BRD10: variants seen among roughly 807,000 people sequenced by gnomAD.
BRD10 encodes the protein uncharacterized bromodomain-containing protein 10.
chr9:5,994,442 A>T, the BRD10 span, among the ~76,000 whole-genome samples: 3 of 152,278 alleles, frequency 2.0e-5, no homozygotes, highest in South Asian at 6.2e-4. Context: ...ATACCCACAA[A>T]AAAGCACTTA....
At chr9:5,885,363 A>T in the BRD10 span, among the ~76,000 whole-genome samples, 19 of 146,270 alleles carry the variant, frequency 1.3e-4, no homozygotes, top group Non-Finnish European at 2.1e-4. Context: ...GTGCTAGATG[A>T]GTTGACGTAT....
At chr9:5,979,717 C>T in the BRD10 span, among the ~76,000 whole-genome samples, 135,777 of 152,104 alleles carry the variant, frequency 0.89, 61,532 homozygotes, top group Non-Finnish European at 0.99. Context: ...TTTATTTTAT[C>T]TTTTAAGTAT....
the BRD10 span, among the ~76,000 whole-genome samples, chr9:5,936,068 T>C: frequency 1.3e-5 from 2 of 152,222 alleles, no homozygotes; most frequent in Non-Finnish European, 2.9e-5. Context: ...AAAAAAATTA[T>C]TCATTAGCCG....
the BRD10 span, among the ~76,000 whole-genome samples, chr9:5,930,927 T>C: frequency 6.6e-6 from 1 of 152,174 alleles, no homozygotes; most frequent in Admixed American, 6.6e-5. Flanking sequence ...AAATAGAAAT[T>C]AGGTAGACTT....
chr9:5,920,750 G>C, the BRD10 span: 4 of 1,613,920 alleles, frequency 2.5e-6, no homozygotes, highest in South Asian at 1.1e-5. Flanking sequence ...CGCAGGTGTA[G>C]GTAAGGCAAC....
the BRD10 span, among the ~76,000 whole-genome samples, chr9:5,983,744 T>C: frequency 3.3e-5 from 5 of 151,482 alleles, no homozygotes; most frequent in Admixed American, 6.6e-5. Flanking sequence ...CACACACACA[T>C]AAGCTCACAC....
the BRD10 span, chr9:5,922,393 A>C: frequency 6.2e-7 from 1 of 1,613,994 alleles, no homozygotes; most frequent in Non-Finnish European, 8.5e-7. Context: ...GGCTAGTCTT[A>C]ACTGATGGTG....
chr9:5,973,661 G>A, the BRD10 span, among the ~76,000 whole-genome samples: 3 of 152,148 alleles, frequency 2.0e-5, no homozygotes, highest in South Asian at 6.2e-4. Context: ...GGCCGAGGTG[G>A]GAGGATAGCT....
chr9:5,933,054 C>T, the BRD10 span, among the ~76,000 whole-genome samples: 3 of 152,102 alleles, frequency 2.0e-5, no homozygotes, highest in Non-Finnish European at 4.4e-5. Context: ...TTTCTCTATA[C>T]TGATTAATAC....
the BRD10 span, among the ~76,000 whole-genome samples, chr9:5,973,249 T>C: frequency 6.6e-6 from 1 of 152,066 alleles, no homozygotes; most frequent in Non-Finnish European, 1.5e-5. Context: ...GGCAGATCAT[T>C]TGAAGTCAGA....
At chr9:5,905,319 A>G in the BRD10 span, among the ~76,000 whole-genome samples, 1 of 152,180 alleles carries the variant, frequency 6.6e-6, no homozygotes, top group Non-Finnish European at 1.5e-5. Context: ...GTTGGCCATG[A>G]CGGGAAGGGA....
the BRD10 span, among the ~76,000 whole-genome samples, chr9:5,887,262 C>T: frequency 6.6e-6 from 1 of 152,062 alleles, no homozygotes; most frequent in Non-Finnish European, 1.5e-5. Flanking sequence ...GTCCCCCAAC[C>T]CACCCACCAA....
the BRD10 span, among the ~76,000 whole-genome samples, chr9:5,900,470 T>C: frequency 8.5e-5 from 13 of 152,232 alleles, no homozygotes; most frequent in Admixed American, 8.5e-4. Context: ...CAAAATTATG[T>C]AAAATAGTGC....
the BRD10 span, chr9:5,969,541 G>C: frequency 1.3e-6 from 1 of 759,642 alleles, no homozygotes; most frequent in Non-Finnish European, 2.0e-6. Context: ...AACTGTCCTA[G>C]TTTTATTTAT....
At chr9:5,972,093 G>T in the BRD10 span, among the ~76,000 whole-genome samples, 1 of 152,070 alleles carries the variant, frequency 6.6e-6, no homozygotes, top group African/African-American at 2.4e-5. Flanking sequence ...AATCTCTAAG[G>T]GAATGCACCT....
At chr9:5,912,610 C>A in the BRD10 span, among the ~76,000 whole-genome samples, 10 of 152,170 alleles carry the variant, frequency 6.6e-5, no homozygotes, top group Admixed American at 6.5e-4. Flanking sequence ...AGGAGAGGAG[C>A]CTTCAGGAAA....
the BRD10 span, among the ~76,000 whole-genome samples, chr9:5,985,040 A>G: frequency 2.6e-5 from 4 of 152,324 alleles, no homozygotes; most frequent in African/African-American, 9.6e-5. Context: ...AAATCAATAT[A>G]GTGCTAACAT....
the BRD10 span, among the ~76,000 whole-genome samples, chr9:5,941,542 AAC>A: frequency 6.6e-6 from 1 of 152,158 alleles, no homozygotes; most frequent in Non-Finnish European, 1.5e-5. Context: ...TTTTTGACTA[AAC>A]CCCTAAATGG....
chr9:5,882,716 G>A, the BRD10 span, among the ~76,000 whole-genome samples: 23 of 151,940 alleles, frequency 1.5e-4, no homozygotes, highest in South Asian at 3.1e-3. Flanking sequence ...TCAGTGTGGC[G>A]ATTCCTCAAG....
Sources: gnomAD v4.1 joint callset for allele counts (sites outside exome capture counted in the v4.1 genomes callset) on GRCh38, gnomAD v4.1.1 for gene constraint, MANE v1.5 for transcripts, NCBI Gene and HGNC (gene_info 2026-07-23, HGNC 2026-07-21) for gene names.